Variants in E2F3 observed in about 807,000 individuals in gnomAD.
E2F3 encodes the protein E2F transcription factor 3.
E2F3 carries 11 observed loss-of-function variants against 44.4 expected under a neutral mutation model. The observed-to-expected ratio is 0.25, with a 90% confidence interval of 0.16 to 0.41. The LOEUF (loss-of-function observed/expected upper bound fraction) is 0.41, where lower values mean the gene tolerates loss of function less well. E2F3 is among the 10% of genes least tolerant of loss of function. The pLI, the probability that E2F3 is intolerant of heterozygous loss-of-function variation, is 1.00. For synonymous variants in E2F3, 249 were observed against 253.0 expected, an observed-to-expected ratio of 0.98 and a Z score of 0.15; for missense variants, 487 against 583.6, an observed-to-expected ratio of 0.83 and a Z score of 1.70.
chr6:20,403,712 CACCGGCG>C, intron 1 of E2F3: 1 of 912,262 alleles, frequency 1.1e-6, no homozygotes. Flanking sequence ...CCCACCCCCC[CACCGGCG>C]CCCGCCCTCG....
intron 6 of E2F3, among the ~76,000 whole-genome samples, chr6:20,488,925 CG>C (rs1353264858): frequency 6.6e-6 from 1 of 151,830 alleles, no homozygotes; most frequent in Non-Finnish European, 1.5e-5. Flanking sequence ...ACCAGGGAGT[CG>C]GAGGTTGCAG....
chr6:20,404,106 AAAACCGGAGGGGGCTTCTCGCC>A (rs1759409728), intron 1 of E2F3, among the ~76,000 whole-genome samples: 2 of 130,260 alleles, frequency 1.5e-5, no homozygotes, highest in African/African-American at 5.1e-5. Flanking sequence ...TGGGCGATAG[AAAACCGGAGGGGGCTTCTCGCC>A]AATGGCCGAG....
At chr6:20,410,097 T>C (rs190951503) in intron 1 of E2F3, among the ~76,000 whole-genome samples, 6 of 152,288 alleles carry the variant, frequency 3.9e-5, no homozygotes, top group Admixed American at 3.9e-4. Flanking sequence ...CTGAGAATGA[T>C]GGGCAGTGAA....
intron 1 of E2F3, chr6:20,437,740 C>A (rs909171190): frequency 1.3e-5 from 2 of 152,032 alleles, no homozygotes; most frequent in Admixed American, 6.6e-5. Flanking sequence ...GAAACTGAAC[C>A]CTTTTAGGTT....
At chr6:20,447,059 T>C (rs985649552) in intron 1 of E2F3, among the ~76,000 whole-genome samples, 12 of 152,184 alleles carry the variant, frequency 7.9e-5, no homozygotes, top group Admixed American at 2.6e-4. Flanking sequence ...TTGGATAATA[T>C]CAAGATAGAG....
chr6:20,444,225 G>T (rs932850467), intron 1 of E2F3, among the ~76,000 whole-genome samples: 5 of 152,146 alleles, frequency 3.3e-5, no homozygotes, highest in African/African-American at 1.2e-4. Flanking sequence ...GCTCTTCCCA[G>T]CTAGATTGTA....
At chr6:20,487,995 G>C in intron 5 of E2F3, 118 bp from the exon 6 acceptor site, 1 of 1,419,710 alleles carries the variant, frequency 7.0e-7, no homozygotes, top group South Asian at 1.3e-5. Context: ...TGGACTAGTA[G>C]GGAAAAAGCA....
At chr6:20,474,597 A>T (rs766761722) in intron 1 of E2F3, among the ~76,000 whole-genome samples, 4 of 152,200 alleles carry the variant, frequency 2.6e-5, no homozygotes, top group Non-Finnish European at 4.4e-5. Context: ...AATTGAGATG[A>T]CCAAGAGAAG....
intron 1 of E2F3, among the ~76,000 whole-genome samples, chr6:20,416,977 C>T (rs1424623205): frequency 6.6e-6 from 1 of 152,132 alleles, no homozygotes; most frequent in Non-Finnish European, 1.5e-5. Flanking sequence ...AAATTCTTAG[C>T]CTTCCCTAGG....
chr6:20,461,289 C>T (rs1000372348), intron 1 of E2F3, among the ~76,000 whole-genome samples: 2 of 152,018 alleles, frequency 1.3e-5, no homozygotes, highest in African/African-American at 2.4e-5. Flanking sequence ...GTCAGGAGAT[C>T]GAGACCATCC....
At chr6:20,412,039 A>G (rs1759691773) in intron 1 of E2F3, among the ~76,000 whole-genome samples, 3 of 152,212 alleles carry the variant, frequency 2.0e-5, no homozygotes, top group Non-Finnish European at 2.9e-5. Context: ...CAAAAGAAGT[A>G]TGAGGTGTGA....
intron 1 of E2F3, among the ~76,000 whole-genome samples, chr6:20,469,445 C>G (rs924352529): frequency 7.2e-5 from 11 of 152,154 alleles, no homozygotes; most frequent in African/African-American, 2.7e-4. Flanking sequence ...GCTCTCTGAG[C>G]TAGTGGGTTT....
At chr6:20,472,752 C>T (rs940031750) in intron 1 of E2F3, among the ~76,000 whole-genome samples, 2 of 152,166 alleles carry the variant, frequency 1.3e-5, no homozygotes, top group African/African-American at 4.8e-5. Flanking sequence ...TCAGTGCAAG[C>T]TGGGTGTAAT....
chr6:20,410,513 A>ACC (rs1759636968), intron 1 of E2F3, among the ~76,000 whole-genome samples: 1 of 152,206 alleles, frequency 6.6e-6, no homozygotes, highest in African/African-American at 2.4e-5. Flanking sequence ...AAGTGCTTAG[A>ACC]CCAGTGTCTG....
At chr6:20,450,808 G>T (rs1486873107) in intron 1 of E2F3, among the ~76,000 whole-genome samples, 1 of 152,114 alleles carries the variant, frequency 6.6e-6, no homozygotes, top group Admixed American at 6.6e-5. Flanking sequence ...TTTATATATG[G>T]TATAACGAAA....
chr6:20,480,675 A>G (rs567971047), intron 2 of E2F3, among the ~76,000 whole-genome samples: 1 of 152,326 alleles, frequency 6.6e-6, no homozygotes, highest in South Asian at 2.1e-4. Context: ...AGACTTTTCC[A>G]GGTAATTATT....
rs184888610 is a variant in E2F3 at position 20,426,337 on chromosome 6, T to C, written c.393+23712T>C. Reference sequence around the variant, plus strand: ...GTTTTGCTTTGTCATTCATTTATTGTTTTTTGGTCTACATTATCCAATTTT... The same window carrying C: ...GTTTTGCTTTGTCATTCATTTATTGCTTTTTGGTCTACATTATCCAATTTT... On this transcript the variant is annotated intron_variant, in intron 1 of 6. Coordinates refer to ENST00000346618, the MANE Select transcript of E2F3 (RefSeq NM_001949.5). 2.6e-3 allele frequency among the ~76,000 whole-genome samples: 391 copies of C among 152,344 alleles called. 3 individuals are homozygous for C. Among genetic ancestry groups the C allele is most frequent in the African/African-American group, 8.2e-3 (340 of 41,570 alleles).
At position 20,481,303 on chromosome 6, in the gene E2F3, A is replaced by G. The variant is rs200506712; in HGVS notation, c.603A>G (p.Val201=). 95 of 1,614,094 alleles carry G rather than the reference A, an allele frequency of 5.9e-5. No individual in the cohort carries two copies. The African/African-American group carries it at 8.9e-4, about 15-fold the overall frequency. The stretch of plus-strand genomic sequence containing the variant: ...TCCTGAGCCAGTCACCCGATGGGGT[A>G]TTGGATTTGAACAAGGCAGCAGAAG... ...IQLLSQSPDG[V]LDLNKAAEVL... is the part of the protein sequence containing the mutation. Residue 201 remains valine, a synonymous_variant, in exon 3 of 7, where the codon GTA becomes GTG. Transcript: ENST00000346618.
intron 1 of E2F3, among the ~76,000 whole-genome samples, chr6:20,424,221 G>A (rs1455195250): frequency 1.3e-5 from 2 of 151,256 alleles, no homozygotes; most frequent in Middle Eastern, 3.4e-3. Context: ...GTGTGTGTGT[G>A]TGTGTGTGTG....
Sources: allele counts gnomAD v4.1 joint callset (sites outside exome capture counted in the v4.1 genomes callset), GRCh38; gene constraint gnomAD v4.1.1; transcripts MANE v1.5; gene names NCBI Gene and HGNC (gene_info 2026-07-23, HGNC 2026-07-21).